Variants in NCOA7 observed in about 807,000 individuals in gnomAD.
The protein encoded by NCOA7 is nuclear receptor coactivator 7.
Under a neutral mutation model 104.3 loss-of-function variants are expected in NCOA7, and 45 were observed. The observed-to-expected ratio is 0.43, with a 90% CI of 0.34 to 0.55. NCOA7 has a LOEUF of 0.55. Ranked by LOEUF, NCOA7 falls within the 20% of genes least tolerant of loss-of-function variation. The pLI is 0.02. For missense variants in NCOA7, 1,041 were observed against 1,119.7 expected (o/e 0.93, Z 1.00); for synonymous variants, 398 against 402.3 (o/e 0.99, Z 0.13).
At chr6:125,830,917 C>T (rs1230949582) in intron 2 of NCOA7, among the ~76,000 whole-genome samples, 1 of 151,794 alleles carries the variant, frequency 6.6e-6, no homozygotes, top group East Asian at 1.9e-4. Flanking sequence ...TGTTTGTTTT[C>T]TGTCTATTAT....
chr6:125,832,153 TA>T lies in NCOA7; in HGVS notation c.50+16758del, dbSNP rs368881864. ...GACAGTTAAAATCTTCACCTAAAAATAAAAAAAAATAATTAATCCAAATCTA... is the reference window on the plus strand; with the variant it reads ...GACAGTTAAAATCTTCACCTAAAAATAAAAAAAATAATTAATCCAAATCTA... On this transcript the variant is annotated intron_variant, in intron 2 of 15. Coordinates refer to ENST00000392477, the MANE Select transcript of NCOA7 (RefSeq NM_181782.5). Among the ~76,000 whole-genome samples the T allele has an allele frequency of 4.2e-3, 635 of 151,610 alleles. 7 individuals carry two copies. Among genetic ancestry groups the T allele is most frequent in the African/African-American group, 0.014 (599 of 41,398 alleles).
In NCOA7 at chr6:125,874,892, A is replaced by G; in HGVS notation, c.275A>G (p.Asp92Gly). The G allele has an allele frequency of 6.2e-7, 1 of 1,611,488 alleles. No individual in the cohort carries two copies. The highest frequency in any genetic ancestry group is 8.5e-7 in the Non-Finnish European group (1 of 1,177,686). Residue 92 changes from aspartate (D) to glycine (G), a missense_variant, in exon 4 of 16, where the codon GAC becomes GGC. Asp to Gly is a moderately conservative substitution (Grantham distance 94). Transcript: ENST00000392477. ...TELKRYYSID[D>G]NQNKTHDKKE... ...TTACATACAATTTATTCTTCAGATG[A>G]CAATCAAAACAAAACACATGATAAA...
chr6:125,793,031 C>T (rs546897315), intron 1 of NCOA7, among the ~76,000 whole-genome samples: 1 of 152,256 alleles, frequency 6.6e-6, no homozygotes, highest in Non-Finnish European at 1.5e-5. Context: ...ATATGGTAGG[C>T]CATACTTTAT....
chr6:125,852,942 TG>T (rs1408342242), intron 2 of NCOA7, among the ~76,000 whole-genome samples: 1 of 152,194 alleles, frequency 6.6e-6, no homozygotes, highest in South Asian at 2.1e-4. Flanking sequence ...GTTTTAAGAT[TG>T]TTTTTTCTAA....
At chr6:125,869,317 C>G (rs374294217) in intron 3 of NCOA7, among the ~76,000 whole-genome samples, 3 of 152,142 alleles carry the variant, frequency 2.0e-5, no homozygotes, top group East Asian at 3.9e-4. Flanking sequence ...GACACCCTCC[C>G]CAGTCTTCCC....
chr6:125,818,334 C>T (rs1251051123), intron 2 of NCOA7, among the ~76,000 whole-genome samples: 1 of 152,146 alleles, frequency 6.6e-6, no homozygotes, highest in Non-Finnish European at 1.5e-5. Flanking sequence ...GGAAGAGCAG[C>T]ACAGTTTTTT....
Position 125,864,292 on chromosome 6 carries a change from G to A in NCOA7, c.271+9052G>A, listed in dbSNP as rs954825160. On this transcript the variant is annotated intron_variant, in intron 3 of 15. Coordinates refer to ENST00000392477, the MANE Select transcript of NCOA7 (RefSeq NM_181782.5). ...CACCAAATACTACAGTAAAAAAGTC[G>A]GTTGACAATAGTTACTGATTATGAT... 8.8e-5 allele frequency among the ~76,000 whole-genome samples: 12 copies of A among 137,072 alleles called. 2 individuals carry two copies. Among genetic ancestry groups the A allele is most frequent in the African/African-American group, 2.7e-4 (9 of 32,764 alleles). 89.9% of individuals were successfully genotyped at this position (137,072 alleles called of 152,430 possible). A position where few individuals can be genotyped will look rare whatever the true frequency, so the allele number is the denominator to read the frequency against.
At position 125,930,893 on chromosome 6, in the gene NCOA7, A is replaced by T. The variant is rs1330330390; in HGVS notation, c.*2122A>T. Reference sequence around the variant, plus strand: ...CCATCTGCAACCATATGCTATTAATAAAATGGAAAAAAACAAAATGGTCAT... The same window carrying T: ...CCATCTGCAACCATATGCTATTAATTAAATGGAAAAAAACAAAATGGTCAT... On this transcript the variant is annotated 3_prime_UTR_variant, in exon 16 of 16. Transcript: ENST00000392477. 1 of 152,636 alleles carries T rather than the reference A, an allele frequency of 6.6e-6. No homozygotes were observed. Among genetic ancestry groups the T allele is most frequent in the Non-Finnish European group, 1.5e-5 (1 of 68,032 alleles). 9.5% of individuals were successfully genotyped at this position (152,636 alleles called of 1,614,324 possible).
chr6:125,923,968 G>A (rs1280025755), intron 13 of NCOA7, among the ~76,000 whole-genome samples: 1 of 152,102 alleles, frequency 6.6e-6, no homozygotes, highest in African/African-American at 2.4e-5. Flanking sequence ...AAGAGTTGTG[G>A]GAATTAATTT....
chr6:125,899,185 A>G (rs1232792226), intron 10 of NCOA7, among the ~76,000 whole-genome samples: 3 of 152,252 alleles, frequency 2.0e-5, no homozygotes, highest in African/African-American at 4.8e-5. Flanking sequence ...AAGATGTTCA[A>G]ATCCTAAGGA....
intron 3 of NCOA7, among the ~76,000 whole-genome samples, chr6:125,858,919 A>G (rs769502050): frequency 2.6e-5 from 4 of 152,190 alleles, no homozygotes; most frequent in Admixed American, 6.5e-5. Context: ...CCTCAAGTCA[A>G]GAGCATCCCA....
At chr6:125,924,650 T>G (rs1219271835) in intron 13 of NCOA7, among the ~76,000 whole-genome samples, 1 of 152,150 alleles carries the variant, frequency 6.6e-6, no homozygotes. Flanking sequence ...TCACTTAAAG[T>G]CTCTGGAAAT....
At chr6:125,820,483 T>C (rs1368788429) in intron 2 of NCOA7, among the ~76,000 whole-genome samples, 3 of 152,250 alleles carry the variant, frequency 2.0e-5, no homozygotes, top group African/African-American at 4.8e-5. Context: ...GCTGAACAGC[T>C]GGTCCCCTTA....
Position 125,885,281 on chromosome 6 carries a change from G to T in NCOA7, c.822G>T (p.Glu274Asp). 1 of 1,614,032 alleles carries T rather than the reference G, an allele frequency of 6.2e-7. No individual in the cohort carries two copies. The highest frequency in any genetic ancestry group is 1.3e-5 in the African/African-American group (1 of 75,032). Residue 274 changes from glutamate (E) to aspartate (D), a missense_variant, in exon 8 of 16, where the codon GAG becomes GAT. Glu to Asp is a conservative substitution (Grantham distance 45). Transcript: ENST00000392477. ...ATGGTCTCATCTGCCCCATGGAAGA[G>T]GTTGTTTCCATTGCGCTCTACAATG... is the stretch of plus-strand genomic sequence containing the variant. ...EEYGLICPMEEVVSIALYNDI... is the reference protein window; with the variant it reads ...EEYGLICPMEDVVSIALYNDI...
intron 2 of NCOA7, among the ~76,000 whole-genome samples, chr6:125,853,164 C>CT (rs1351437067): frequency 6.6e-6 from 1 of 151,768 alleles, no homozygotes; most frequent in Admixed American, 6.6e-5. Flanking sequence ...TGTTCTCTTT[C>CT]TTTTTTCTCT....
upstream of NCOA7, chr6:125,786,319 G>A (rs530128423): frequency 2.0e-5 from 3 of 152,256 alleles, no homozygotes; most frequent in East Asian, 5.8e-4. Context: ...ATCACTTAAT[G>A]CATAAAACTC....
At position 125,885,324 on chromosome 6, in the gene NCOA7, A is replaced by G; in HGVS notation, c.865A>G (p.Ile289Val). 1.2e-6 allele frequency: 2 copies of G among 1,613,650 alleles called. No homozygotes were observed. The highest frequency in any genetic ancestry group is 1.7e-6 in the Non-Finnish European group (2 of 1,179,650). The change falls in exon 8 of 16, where the codon ATC (isoleucine) becomes GTC (valine). Residue 289 changes from isoleucine (I) to valine (V), a missense_variant. Around this residue, in one of 2 missense-constraint regions of NCOA7, gnomAD observed 914 missense variants for 942.7 expected, o/e 0.97. Coordinates refer to ENST00000392477, the MANE Select transcript of NCOA7 (RefSeq NM_181782.5). ...CTACAATGACATTTCTCACATGAAG[A>G]TCAAAGATGCCTTGCCATCGTAAGA... ...ALYNDISHMK[I>V]KDALPSDLPQ... is the part of the protein sequence containing the mutation.
chr6:125,925,419 A>G (rs1442398715), intron 13 of NCOA7, among the ~76,000 whole-genome samples: 1 of 152,234 alleles, frequency 6.6e-6, no homozygotes, highest in African/African-American at 2.4e-5. Flanking sequence ...GTCTGGCCAA[A>G]GAAACTATCC....
chr6:125,869,446 C>A (rs750121633), intron 3 of NCOA7, among the ~76,000 whole-genome samples: 19 of 152,168 alleles, frequency 1.2e-4, no homozygotes, highest in Non-Finnish European at 2.8e-4. Flanking sequence ...CCAATTCTGA[C>A]AGGCAGACTA....
Sources: gnomAD v4.1 joint callset for allele counts (sites outside exome capture counted in the v4.1 genomes callset) on GRCh38, gnomAD v4.1.1 for gene constraint, gnomAD v4.1.1 regional missense constraint, MANE v1.5 for transcripts, NCBI Gene and HGNC (gene_info 2026-07-23, HGNC 2026-07-21) for gene names.